QRICH2: variants seen among roughly 807,000 people sequenced by gnomAD.
The protein encoded by QRICH2 is glutamine rich 2.
QRICH2 carries 119 observed loss-of-function variants against 168.3 expected under a neutral mutation model. The ratio of observed to expected loss-of-function variants is 0.71; its 90% CI spans 0.61 to 0.82. QRICH2 has a LOEUF of 0.82. QRICH2 is among the 40% of genes least tolerant of loss of function. The pLI, the probability that QRICH2 is intolerant of heterozygous loss-of-function variation, is 0.00. For missense variants in QRICH2, 2,241 were observed against 2,491.6 expected, an observed-to-expected ratio of 0.90 and a Z score of 2.14; for synonymous variants, 894 against 951.2, an observed-to-expected ratio of 0.94 and a Z score of 1.11.
At chr17:76,276,165 G>A (rs939499325) in intron 17 of QRICH2, among the ~76,000 whole-genome samples, 2 of 126,920 alleles carry the variant, frequency 1.6e-5, no homozygotes, top group African/African-American at 3.3e-5. Context: ...CTGAGGACCT[G>A]CACACGTCAG....
intron 17 of QRICH2, among the ~76,000 whole-genome samples, chr17:76,276,332 G>A (rs986901528): frequency 6.6e-6 from 1 of 152,210 alleles, no homozygotes; most frequent in Non-Finnish European, 1.5e-5. Flanking sequence ...GGGCTGAAGC[G>A]GTGGGGCTCA....
At position 76,293,280 on chromosome 17, in the gene QRICH2, G is replaced by A. The variant is rs758508675; in HGVS notation, c.1447C>T (p.Arg483Cys). Residue 483 changes from arginine (R) to cysteine (C), a missense_variant, in exon 4 of 19, where the codon CGC (arginine) becomes TGC (cysteine). Physicochemically the swap from Arg to Cys is radical, Grantham distance 180. Transcript: ENST00000680821. Reference sequence around the variant, plus strand: ...TCCATGCCAAGTGGTTCCATACTGCGTTGGTCTGTGCCAGGAAATGTCATA... The same window carrying A: ...TCCATGCCAAGTGGTTCCATACTGCATTGGTCTGTGCCAGGAAATGTCATA... ...HGMTFPGTDQ[R>C]SMEPLGMDQR... is the part of the protein sequence containing the mutation. 64 of 1,613,954 alleles carry A rather than the reference G, an allele frequency of 4.0e-5. No homozygotes were observed. The highest frequency in any genetic ancestry group is 1.6e-4 in the South Asian group (15 of 91,088).
rs1389366157 is a variant in QRICH2 at position 76,293,613 on chromosome 17, G to A, written c.1114C>T (p.Gln372Ter). The A allele has an allele frequency of 6.2e-7, 1 of 1,614,170 alleles. No homozygotes were observed. The highest frequency in any genetic ancestry group is 8.5e-7 in the Non-Finnish European group (1 of 1,180,034). The stretch of plus-strand genomic sequence containing the variant: ...TGGCTAGCGGGCACACTACTGGGCT[G>A]GTCTCTGGCCAAGGGTAAGTCCTGT... ...VQQDLPLARD[Q>*]PSSVPASQSQ... The change falls in exon 4 of 19, where the codon CAG becomes TAG. Residue 372 changes from glutamine (Q) to a stop codon, truncating the protein, a stop_gained. Coordinates refer to ENST00000680821, the MANE Select transcript of QRICH2 (RefSeq NM_001388453.1). LOFTEE classifies it high-confidence loss of function.
chr17:76,296,781 A>C (rs2070800832), intron 3 of QRICH2, among the ~76,000 whole-genome samples: 1 of 150,886 alleles, frequency 6.6e-6, no homozygotes, highest in South Asian at 2.1e-4. Context: ...CTGTCTCAAA[A>C]AAAAAAAAAA....
At chr17:76,286,320 A>C (rs2070884563) in intron 7 of QRICH2, among the ~76,000 whole-genome samples, 1 of 152,264 alleles carries the variant, frequency 6.6e-6, no homozygotes, top group Non-Finnish European at 1.5e-5. Context: ...AAGCCATAAA[A>C]AAGAATGGAG....
At chr17:76,287,078 A>ACACACACACACACACACACACC (rs2070900480) in intron 7 of QRICH2, 114 bp downstream of exon 7, 1 of 308,232 alleles carries the variant, frequency 3.2e-6, no homozygotes, top group African/African-American at 1.0e-4. Context: ...ACACACACAC[A>ACACACACACACACACACACACC]CACACACACA....
At chr17:76,308,584 G>A, upstream of QRICH2, 1 of 700,598 alleles carries the variant, frequency 1.4e-6, no homozygotes, top group Non-Finnish European at 1.8e-6. Flanking sequence ...CCATGTCTAA[G>A]GGATGCAGTC....
chr17:76,301,065 A>G (rs1052792430), intron 3 of QRICH2, among the ~76,000 whole-genome samples: 2 of 148,946 alleles, frequency 1.3e-5, no homozygotes, highest in Non-Finnish European at 3.0e-5. Context: ...AAAATGCAAA[A>G]TATTAGTCAG....
chr17:76,298,370 G>A (rs1382938776), intron 3 of QRICH2, among the ~76,000 whole-genome samples: 2 of 150,444 alleles, frequency 1.3e-5, no homozygotes, highest in East Asian at 2.0e-4. Flanking sequence ...TAGTAGAGAC[G>A]GGGTTTCACC....
At position 76,281,774 on chromosome 17, in the gene QRICH2, C is replaced by G; in HGVS notation, c.4263+90G>C. ...AGAGCTGACCTTGAGGCCCAAACACCCGCCCCACTTCTGTGGGTCTGCAGC... is the reference window on the plus strand; with the variant it reads ...AGAGCTGACCTTGAGGCCCAAACACGCGCCCCACTTCTGTGGGTCTGCAGC... On this transcript the variant is annotated intron_variant, in intron 8 of 18. Transcript: ENST00000680821. The surrounding 1 kb of genome is among the most constrained non-coding windows in gnomAD (Gnocchi z 4.4). 1.2e-5 allele frequency: 18 copies of G among 1,526,340 alleles called. No individual in the cohort carries two copies. Among genetic ancestry groups the G allele is most frequent in the Non-Finnish European group, 1.6e-5 (18 of 1,120,166 alleles). 94.5% of individuals were successfully genotyped at this position (1,526,340 alleles called of 1,614,324 possible).
chr17:76,280,252 G>C lies in QRICH2; in HGVS notation c.4626+35C>G, dbSNP rs2070762531. The C allele has an allele frequency of 6.2e-7, 1 of 1,611,942 alleles. No individual in the cohort carries two copies. The highest frequency in any genetic ancestry group is 8.5e-7 in the Non-Finnish European group (1 of 1,178,850). Reference sequence around the variant, plus strand: ...CTGTCCCGATCCTGGGGGCAAGGCTGTGGGATGGAGAGCCCCGCCATGCCC... The same window carrying C: ...CTGTCCCGATCCTGGGGGCAAGGCTCTGGGATGGAGAGCCCCGCCATGCCC... On this transcript the variant is annotated intron_variant, in intron 11 of 18. Coordinates refer to ENST00000680821, the MANE Select transcript of QRICH2 (RefSeq NM_001388453.1). This position sits in a 1 kb window ranked among gnomAD's most constrained non-coding sequence, Gnocchi z 7.4.
intron 3 of QRICH2, among the ~76,000 whole-genome samples, chr17:76,299,562 C>A (rs1482211394): frequency 6.6e-6 from 1 of 151,856 alleles, no homozygotes; most frequent in Non-Finnish European, 1.5e-5. Flanking sequence ...CATGGTGAAA[C>A]CCTGTCCCTA....
chr17:76,301,438 C>T (rs906246248), intron 3 of QRICH2: 36 of 245,550 alleles, frequency 1.5e-4, no homozygotes, highest in Middle Eastern at 1.5e-3. Flanking sequence ...TATGGTGGTA[C>T]GCACCTGTGG....
intron 4 of QRICH2, 135 bp downstream of exon 4, chr17:76,290,880 G>T: frequency 1.5e-6 from 2 of 1,361,546 alleles, no homozygotes; most frequent in Non-Finnish European, 2.0e-6. Context: ...TGTGGGACAT[G>T]CTCTGAATGA....
chr17:76,280,548 T>C lies in QRICH2; in HGVS notation c.4462-97A>G. The C allele has an allele frequency of 2.5e-6, 4 of 1,594,294 alleles. No homozygotes were observed. The South Asian group carries it at 4.5e-5, about 18-fold the overall frequency. On this transcript the variant is annotated intron_variant, in intron 10 of 18. Transcript: ENST00000680821. The surrounding 1 kb of genome is among the most constrained non-coding windows in gnomAD (Gnocchi z 7.4). Reference sequence around the variant, plus strand: ...CGACCCCTATCACCAGGCAGGTTTCTGAGAGCCCACACTCGTCTCGCCAGC... The same window carrying C: ...CGACCCCTATCACCAGGCAGGTTTCCGAGAGCCCACACTCGTCTCGCCAGC...
At position 76,278,173 on chromosome 17, in the gene QRICH2, C is replaced by T. The variant is rs564093264; in HGVS notation, c.4933G>A (p.Ala1645Thr). ...QHSRNLKLGS[A>T]FPRGDLAQME... ...TGCGCCAGGTCACCCCGAGGGAAGGCGCTGCCCAGCTTGAGGCTGCAGGGT... is the reference window on the plus strand; with the variant it reads ...TGCGCCAGGTCACCCCGAGGGAAGGTGCTGCCCAGCTTGAGGCTGCAGGGT... The change falls in exon 15 of 19, where the codon GCC becomes ACC. Residue 1645 changes from alanine to threonine, a missense_variant. Transcript: ENST00000680821. The T allele has an allele frequency of 1.2e-5, 20 of 1,607,346 alleles. No individual in the cohort carries two copies. Among genetic ancestry groups the T allele is most frequent in the South Asian group, 6.6e-5 (6 of 91,078 alleles).
In QRICH2 at chr17:76,281,550, T is replaced by A. The variant is rs2070788363; in HGVS notation, c.4263+314A>T. Among the ~76,000 whole-genome samples the A allele has an allele frequency of 6.6e-6, 1 of 152,132 alleles. No individual in the cohort carries two copies. The highest frequency in any genetic ancestry group is 1.5e-5 in the Non-Finnish European group (1 of 68,008). On this transcript the variant is annotated intron_variant, in intron 8 of 18. Transcript: ENST00000680821. The surrounding 1 kb of genome is among the most constrained non-coding windows in gnomAD (Gnocchi z 4.4). ...ACTCGCGTGCCAGGGAGTCAACATC[T>A]CCTACAGTTGGGCCTGTGTCTCCAG... is the stretch of plus-strand genomic sequence containing the variant.
intron 12 of QRICH2, 151 bp downstream of exon 12, chr17:76,279,882 G>C (rs1293264297): frequency 1.1e-6 from 1 of 925,926 alleles, no homozygotes; most frequent in African/African-American, 1.7e-5. Flanking sequence ...AGCGTTTCAA[G>C]CTCTAAAATT....
At chr17:76,285,058 G>T (rs569990683) in intron 7 of QRICH2, among the ~76,000 whole-genome samples, 1 of 151,556 alleles carries the variant, frequency 6.6e-6, no homozygotes, top group South Asian at 2.1e-4. Flanking sequence ...AGGTTCAAGT[G>T]ATTCTCCTAC....
Sources: gnomAD v4.1 joint callset for allele counts (sites outside exome capture counted in the v4.1 genomes callset) on GRCh38, gnomAD v4.1.1 for gene constraint, Gnocchi (gnomAD v3.1) non-coding constraint, MANE v1.5 for transcripts, NCBI Gene and HGNC (gene_info 2026-07-23, HGNC 2026-07-21) for gene names.